Variants in CSMD1 observed in about 807,000 individuals in gnomAD.
The protein encoded by CSMD1 is CUB and sushi domain-containing protein 1.
Under a neutral mutation model 417.5 loss-of-function variants are expected in CSMD1, and 213 were observed. That is an observed-to-expected ratio of 0.51 (90% CI 0.46 to 0.57). The LOEUF is 0.57. Among genes scored for constraint, CSMD1 ranks in the 20% least tolerant of loss-of-function variants. CSMD1 has a pLI of 0.00. For synonymous variants in CSMD1, 2,862 were observed against 1,736.8 expected (o/e 1.65, Z -16.11); for missense variants, 6,923 against 4,529.7 (o/e 1.53, Z -15.17).
chr8:4,808,151 CCGG>C (rs772801666), intron 1 of CSMD1, among the ~76,000 whole-genome samples: 7 of 152,170 alleles, frequency 4.6e-5, no homozygotes, highest in Non-Finnish European at 8.8e-5. Context: ...CACCACGATT[CCGG>C]CGGTGTGGAG....
chr8:4,075,803 C>T (rs1224511458), intron 3 of CSMD1, among the ~76,000 whole-genome samples: 2 of 152,110 alleles, frequency 1.3e-5, no homozygotes, highest in Non-Finnish European at 2.9e-5. Context: ...GATGACAGAG[C>T]AGTCCTTCAT....
intron 1 of CSMD1, among the ~76,000 whole-genome samples, chr8:4,827,771 G>T (rs1799922220): frequency 1.3e-5 from 2 of 152,096 alleles, no homozygotes; most frequent in African/African-American, 4.8e-5. Flanking sequence ...TTTCATTAAA[G>T]ATTGAAATTC....
intron 15 of CSMD1, among the ~76,000 whole-genome samples, chr8:3,404,054 T>C (rs567189195): frequency 1.5e-4 from 23 of 152,178 alleles, no homozygotes; most frequent in Admixed American, 9.2e-4. Flanking sequence ...TACCCTCCTT[T>C]ACGTGTAGTA....
Position 4,626,339 on chromosome 8 carries a change from T to A in CSMD1, c.302+11003A>T, listed in dbSNP as rs146359340. 1.9e-3 allele frequency among the ~76,000 whole-genome samples: 290 copies of A among 149,272 alleles called. 4 individuals carry two copies. The highest frequency in any genetic ancestry group is 6.7e-3 in the African/African-American group (275 of 41,030). On this transcript the variant is annotated intron_variant, in intron 2 of 69. Coordinates refer to ENST00000635120, the MANE Select transcript of CSMD1 (RefSeq NM_033225.6). ...CTTGAAGCTGGGAGCCAGCCACACC[T>A]TTTTTTTTAATGCTACTGATTTCTA...
chr8:3,670,989 G>C (rs189292698), intron 7 of CSMD1, among the ~76,000 whole-genome samples: 15,091 of 131,854 alleles, frequency 0.11, 1,052 homozygotes, highest in African/African-American at 0.14. Flanking sequence ...ATATGTATAT[G>C]GGATATATAT....
chr8:3,087,240 A>G lies in CSMD1; in HGVS notation c.7331T>C (p.Leu2444Pro). The G allele has an allele frequency of 6.2e-7, 1 of 1,613,988 alleles. No homozygotes were observed. The highest frequency in any genetic ancestry group is 2.2e-5 in the East Asian group (1 of 44,882). Reference protein sequence around the residue: ...LTHPLKNGGILNRTAGAVGSK... With the variant: ...LTHPLKNGGIPNRTAGAVGSK... ...TCCAACCGCTCCTGCAGTCCTGTTT[A>G]GAATACCCCCATTCTTCAGGGGGTG... The change falls in exon 49 of 70, where the codon CTA becomes CCA. Residue 2444 changes from leucine to proline, a missense_variant. Coordinates refer to ENST00000635120, the MANE Select transcript of CSMD1 (RefSeq NM_033225.6).
chr8:3,081,878 T>C (rs927685545), intron 49 of CSMD1, among the ~76,000 whole-genome samples: 1 of 152,246 alleles, frequency 6.6e-6, no homozygotes, highest in Non-Finnish European at 1.5e-5. Flanking sequence ...CATCTTTTCT[T>C]AGCCTCAGAG....
intron 26 of CSMD1, among the ~76,000 whole-genome samples, chr8:3,271,333 G>T (rs892614967): frequency 1.6e-4 from 24 of 151,906 alleles, no homozygotes; most frequent in African/African-American, 5.3e-4. Context: ...TATCATTGTT[G>T]GACATTTGGG....
At chr8:3,193,859 C>A (rs1796559680) in intron 33 of CSMD1, among the ~76,000 whole-genome samples, 1 of 152,194 alleles carries the variant, frequency 6.6e-6, no homozygotes, top group Non-Finnish European at 1.5e-5. Context: ...GATCACCCTT[C>A]AACACCACAA....
At chr8:4,775,989 C>A (rs556636361) in intron 1 of CSMD1, among the ~76,000 whole-genome samples, 1 of 152,250 alleles carries the variant, frequency 6.6e-6, no homozygotes, top group East Asian at 1.9e-4. Flanking sequence ...GGAACAGCAA[C>A]CTCAGAAATG....
chr8:3,627,556 C>A (rs1016246833), intron 7 of CSMD1, among the ~76,000 whole-genome samples: 7 of 152,072 alleles, frequency 4.6e-5, no homozygotes, highest in South Asian at 2.1e-4. Context: ...ACATTACTTA[C>A]AGGTATCTGT....
At chr8:4,621,568 T>A (rs1164673287) in intron 2 of CSMD1, among the ~76,000 whole-genome samples, 1 of 152,116 alleles carries the variant, frequency 6.6e-6, no homozygotes. Context: ...TTAAGATTTC[T>A]AAAAGAAAAC....
intron 2 of CSMD1, among the ~76,000 whole-genome samples, chr8:4,457,936 A>G (rs1369106139): frequency 6.6e-6 from 1 of 152,126 alleles, no homozygotes; most frequent in African/African-American, 2.4e-5. Context: ...GAGTCTATGT[A>G]TGTCAACCCA....
At chr8:4,148,705 C>T (rs932054299) in intron 3 of CSMD1, among the ~76,000 whole-genome samples, 6 of 152,070 alleles carry the variant, frequency 3.9e-5, no homozygotes, top group Admixed American at 2.0e-4. Context: ...ACTCAGCCCA[C>T]AGCGAGGGCT....
At chr8:4,782,465 G>C (rs1797203362) in intron 1 of CSMD1, among the ~76,000 whole-genome samples, 1 of 152,058 alleles carries the variant, frequency 6.6e-6, no homozygotes, top group Non-Finnish European at 1.5e-5. Flanking sequence ...GAACACTTTA[G>C]ATTTAAAGAA....
At chr8:4,601,627 T>C (rs1284184380) in intron 2 of CSMD1, among the ~76,000 whole-genome samples, 4 of 152,156 alleles carry the variant, frequency 2.6e-5, no homozygotes, top group Admixed American at 2.6e-4. Flanking sequence ...ATTTACAGAT[T>C]ACAAAGTATG....
In CSMD1 at chr8:4,423,642, C is replaced by A. The variant is rs55833078; in HGVS notation, c.303-3577G>T. 1.9e-3 allele frequency among the ~76,000 whole-genome samples: 288 copies of A among 152,016 alleles called. 4 individuals carry two copies. Among genetic ancestry groups the A allele is most frequent in the African/African-American group, 6.7e-3 (280 of 41,506 alleles). ...GATATAGGTTACTTCCAAACTGATACACAGGTTTTACACAATTTCCACCAA... is the reference window on the plus strand; with the variant it reads ...GATATAGGTTACTTCCAAACTGATAAACAGGTTTTACACAATTTCCACCAA... On this transcript the variant is annotated intron_variant, in intron 2 of 69. Coordinates refer to ENST00000635120, the MANE Select transcript of CSMD1 (RefSeq NM_033225.6).
intron 3 of CSMD1, among the ~76,000 whole-genome samples, chr8:4,345,069 G>A (rs887227339): frequency 6.6e-6 from 1 of 152,116 alleles, no homozygotes; most frequent in Non-Finnish European, 1.5e-5. Context: ...GTCAGTCTGT[G>A]GTTGGGGCTT....
intron 1 of CSMD1, among the ~76,000 whole-genome samples, chr8:4,872,702 G>C (rs1443464565): frequency 6.6e-6 from 1 of 152,064 alleles, no homozygotes; most frequent in South Asian, 2.1e-4. Flanking sequence ...AAGGAACACA[G>C]AGACAGAAAG....
Sources: gnomAD v4.1 joint callset for allele counts (sites outside exome capture counted in the v4.1 genomes callset) on GRCh38, gnomAD v4.1.1 for gene constraint, MANE v1.5 for transcripts, NCBI Gene and HGNC (gene_info 2026-07-23, HGNC 2026-07-21) for gene names.